TRHDE: variants seen among roughly 807,000 people sequenced by gnomAD.
The protein encoded by TRHDE is thyrotropin releasing hormone degrading enzyme.
In TRHDE, 72 loss-of-function variants were observed where a neutral mutation model predicts 125.7. The ratio of observed to expected loss-of-function variants is 0.57; its 90% CI spans 0.47 to 0.70. The LOEUF (loss-of-function observed/expected upper bound fraction) is 0.70, where lower values mean the gene tolerates loss of function less well. TRHDE is among the 30% of genes least tolerant of loss of function. TRHDE has a pLI of 0.00. For synonymous variants in TRHDE, 509 were observed against 509.1 expected (o/e 1.00, Z 0.00); for missense variants, 1,110 against 1,327.1 (o/e 0.84, Z 2.54).
At chr12:72,104,151 G>A (rs1875128907) in intron 1 of TRHDE, among the ~76,000 whole-genome samples, 1 of 152,086 alleles carries the variant, frequency 6.6e-6, no homozygotes, top group Non-Finnish European at 1.5e-5. Flanking sequence ...GCTTACAATG[G>A]GTGTTCAAGC....
intron 2 of TRHDE, among the ~76,000 whole-genome samples, chr12:72,373,944 A>G (rs1871745860): frequency 6.6e-6 from 1 of 152,150 alleles, no homozygotes; most frequent in African/African-American, 2.4e-5. Context: ...GAGGAAAACC[A>G]GAAGAGTGCG....
chr12:72,165,679 A>AT (rs57114088), intron 2 of TRHDE, among the ~76,000 whole-genome samples: 2,598 of 145,324 alleles, frequency 0.018, 53 homozygotes, highest in African/African-American at 0.05. Flanking sequence ...TGAGAAATGC[A>AT]TTTTTTTTTT....
chr12:72,641,002 A>C (rs183322448), intron 15 of TRHDE, among the ~76,000 whole-genome samples: 49 of 152,324 alleles, frequency 3.2e-4, no homozygotes, highest in Admixed American at 8.5e-4. Context: ...CTAATGAAAG[A>C]ATCTTGTACT....
chr12:72,114,868 T>C (rs912696759), intron 2 of TRHDE, among the ~76,000 whole-genome samples: 1 of 152,198 alleles, frequency 6.6e-6, no homozygotes, highest in Non-Finnish European at 1.5e-5. Context: ...ACTGTGTTCC[T>C]TAGTATTATT....
intron 17 of TRHDE, among the ~76,000 whole-genome samples, chr12:72,656,537 T>G (rs1388033867): frequency 6.6e-6 from 1 of 152,172 alleles, no homozygotes; most frequent in African/African-American, 2.4e-5. Context: ...GCAGCTCCTC[T>G]TGCCTTTTAT....
intron 3 of TRHDE, among the ~76,000 whole-genome samples, chr12:72,457,272 T>G (rs1440923202): frequency 6.6e-6 from 1 of 152,220 alleles, no homozygotes; most frequent in Middle Eastern, 3.2e-3. Flanking sequence ...TAGCTTCATC[T>G]TAGTGTTAAA....
intron 2 of TRHDE, among the ~76,000 whole-genome samples, chr12:72,194,589 C>A (rs1038798307): frequency 6.6e-6 from 1 of 152,070 alleles, no homozygotes; most frequent in Non-Finnish European, 1.5e-5. Flanking sequence ...TCCATGAGTA[C>A]CCATTGTTTA....
chr12:72,524,826 C>A (rs1868305404), intron 6 of TRHDE, among the ~76,000 whole-genome samples: 1 of 152,062 alleles, frequency 6.6e-6, no homozygotes, highest in Non-Finnish European at 1.5e-5. Flanking sequence ...TAAGAGGAGG[C>A]CCCGCAACAC....
chr12:72,263,494 A>C (rs1371802423), intron 2 of TRHDE: 3 of 152,228 alleles, frequency 2.0e-5, no homozygotes, highest in African/African-American at 7.2e-5. Flanking sequence ...ATGGAGGATT[A>C]TAGATTAAAT....
intron 7 of TRHDE, among the ~76,000 whole-genome samples, chr12:72,553,154 A>G (rs1304025810): frequency 6.6e-6 from 1 of 152,184 alleles, no homozygotes; most frequent in African/African-American, 2.4e-5. Context: ...ACTTTCTGAC[A>G]GTTTTGAGTT....
At chr12:72,258,278 G>A (rs1878862825) in intron 2 of TRHDE, 1 of 152,074 alleles carries the variant, frequency 6.6e-6, no homozygotes, top group African/African-American at 2.4e-5. Flanking sequence ...GTTTAAAATG[G>A]GTACACAAGC....
chr12:72,558,273 G>A (rs1018957989), intron 7 of TRHDE, among the ~76,000 whole-genome samples: 10 of 152,196 alleles, frequency 6.6e-5, no homozygotes, highest in Admixed American at 5.9e-4. Flanking sequence ...GGAGGTTGAA[G>A]TGGATGGGGA....
At chr12:72,165,526 A>G (rs552168456) in intron 2 of TRHDE, among the ~76,000 whole-genome samples, 2 of 152,148 alleles carry the variant, frequency 1.3e-5, no homozygotes, top group East Asian at 1.9e-4. Context: ...TCTACCTCAG[A>G]GTATTTTTTG....
Position 72,424,870 on chromosome 12 carries a change from C to G in TRHDE, c.1316-44888C>G, listed in dbSNP as rs535011261. 3.3e-5 allele frequency among the ~76,000 whole-genome samples: 5 copies of G among 152,176 alleles called. No homozygotes were observed. In the South Asian group the frequency reaches 1.0e-3, roughly 32 times the overall value. ...TAGTAAAAGAATGCTAAATTCTCAT[C>G]TAGAACATAATTCCTTTGTCATAGT... On this transcript the variant is annotated intron_variant, in intron 3 of 18. Transcript: ENST00000261180.
intron 7 of TRHDE, among the ~76,000 whole-genome samples, chr12:72,551,248 C>T (rs1869658616): frequency 2.0e-5 from 3 of 151,934 alleles, no homozygotes; most frequent in Non-Finnish European, 4.4e-5. Flanking sequence ...CATATGCATC[C>T]AAAATTCTCT....
chr12:72,582,567 T>A, intron 12 of TRHDE: 3 of 985,444 alleles, frequency 3.0e-6, no homozygotes, highest in Non-Finnish European at 3.6e-6. Context: ...TAAATAGTAG[T>A]ATAATGTGCC....
At chr12:72,267,953 C>T (rs1879104448), upstream of TRHDE, among the ~76,000 whole-genome samples, 1 of 140,080 alleles carries the variant, frequency 7.1e-6, no homozygotes, top group African/African-American at 3.1e-5. Context: ...TTATATGAAA[C>T]CCCACAACAA....
chr12:72,463,626 G>C (rs1485991118), intron 3 of TRHDE, among the ~76,000 whole-genome samples: 2 of 152,142 alleles, frequency 1.3e-5, no homozygotes, highest in Admixed American at 6.5e-5. Flanking sequence ...TGAGCTGGAG[G>C]ATACCAGACT....
At chr12:72,454,159 A>G (rs1430313515) in intron 3 of TRHDE, among the ~76,000 whole-genome samples, 1 of 152,044 alleles carries the variant, frequency 6.6e-6, no homozygotes, top group Non-Finnish European at 1.5e-5. Flanking sequence ...ATAAATCAAT[A>G]GTGCAAAAAT....
Sources: gnomAD v4.1 joint callset for allele counts (sites outside exome capture counted in the v4.1 genomes callset) on GRCh38, gnomAD v4.1.1 for gene constraint, MANE v1.5 for transcripts, NCBI Gene and HGNC (gene_info 2026-07-23, HGNC 2026-07-21) for gene names.